SEPTIN11: variants seen among roughly 807,000 people sequenced by gnomAD.
SEPTIN11 encodes the protein septin-11.
SEPTIN11 carries 25 observed loss-of-function variants against 51.4 expected under a neutral mutation model. That is an observed-to-expected ratio of 0.49 (90% CI 0.35 to 0.68). The LOEUF (loss-of-function observed/expected upper bound fraction) is 0.68, where lower values mean the gene tolerates loss of function less well. SEPTIN11 is among the 30% of genes least tolerant of loss of function. SEPTIN11 has a pLI of 0.00. For synonymous variants in SEPTIN11, 174 were observed against 184.1 expected, an observed-to-expected ratio of 0.95 and a Z score of 0.44; for missense variants, 381 against 520.8, an observed-to-expected ratio of 0.73 and a Z score of 2.61.
At chr4:76,957,968 C>T (rs978928674) in intron 1 of SEPTIN11, among the ~76,000 whole-genome samples, 1 of 152,112 alleles carries the variant, frequency 6.6e-6, no homozygotes, top group South Asian at 2.1e-4. Context: ...AACCTTATTA[C>T]CTACCATAAG....
rs141694209 is a variant in SEPTIN11 at position 77,027,013 on chromosome 4, T to A, written c.954-1616T>A. ...AGATAATGTGAAAGCGAAATGTACC[T>A]CTGGAAACTCAAAACACTTGATTGT... On this transcript the variant is annotated intron_variant, in intron 7 of 9. Coordinates refer to ENST00000264893, the MANE Select transcript of SEPTIN11 (RefSeq NM_018243.4). 3.1e-3 allele frequency among the ~76,000 whole-genome samples: 479 copies of A among 152,326 alleles called. 2 individuals are homozygous for A. Among genetic ancestry groups the A allele is most frequent in the African/African-American group, 0.01 (436 of 41,562 alleles).
At chr4:76,994,831 A>G (rs546012245) in intron 1 of SEPTIN11, among the ~76,000 whole-genome samples, 1 of 145,116 alleles carries the variant, frequency 6.9e-6, no homozygotes, top group East Asian at 2.2e-4. Flanking sequence ...CCTCTTGATT[A>G]TGTAACATAA....
intron 9 of SEPTIN11, 122 bp downstream of exon 9, chr4:77,031,092 T>A: frequency 1.1e-6 from 1 of 909,474 alleles, no homozygotes; most frequent in South Asian, 1.7e-5. Context: ...AAGCAAGTAT[T>A]TTCTCTACAG....
intron 3 of SEPTIN11, among the ~76,000 whole-genome samples, chr4:77,007,348 T>C (rs906526262): frequency 2.6e-5 from 4 of 152,212 alleles, no homozygotes; most frequent in Non-Finnish European, 5.9e-5. Flanking sequence ...GTCCATTCCT[T>C]GATTGGAAGA....
downstream of SEPTIN11, chr4:77,039,572 C>T (rs1021510814): frequency 1.0e-5 from 10 of 985,142 alleles, no homozygotes; most frequent in Middle Eastern, 5.2e-4. Context: ...GATCCTCAAC[C>T]GTCAGGTCAT....
chr4:77,032,451 A>T (rs1726721808), intron 9 of SEPTIN11, among the ~76,000 whole-genome samples: 1 of 152,232 alleles, frequency 6.6e-6, no homozygotes, highest in Non-Finnish European at 1.5e-5. Context: ...GATGTTTCCC[A>T]TGCAGAGACT....
chr4:76,996,585 T>C (rs1435995148), intron 2 of SEPTIN11, 46 bp downstream of exon 2: 3 of 1,296,502 alleles, frequency 2.3e-6, no homozygotes, highest in Non-Finnish European at 2.2e-6. Context: ...TCCTTAGATA[T>C]TGACAGGTAA....
chr4:76,990,385 C>A (rs929989986), intron 1 of SEPTIN11, among the ~76,000 whole-genome samples: 2 of 152,164 alleles, frequency 1.3e-5, no homozygotes, highest in Non-Finnish European at 2.9e-5. Context: ...GGAAGGCCAG[C>A]TGGCTTCACG....
In SEPTIN11 at chr4:77,011,935, T is replaced by C. The variant is rs1294966937; in HGVS notation, c.525+14T>C. 1 of 1,610,154 alleles carries C rather than the reference T, an allele frequency of 6.2e-7. No homozygotes were observed. On this transcript the variant is annotated intron_variant, in intron 4 of 9. Transcript: ENST00000264893. ...CTGGACAGTAAGGTACTTGCTGCCA[T>C]TCTGATTATCATCCACTCTCCTTTT...
rs188729802 is a variant in SEPTIN11 at position 77,014,771 on chromosome 4, A to G, written c.526-85A>G. ...TTATTTTTTACAGTAAGGTTTTGCA[A>G]TTTTTATTTGTTTGCTATGTTTTAT... On this transcript the variant is annotated intron_variant, in intron 4 of 9. Coordinates refer to ENST00000264893, the MANE Select transcript of SEPTIN11 (RefSeq NM_018243.4). 1.3e-5 allele frequency: 18 copies of G among 1,416,078 alleles called. No individual in the cohort carries two copies. In the Admixed American group the frequency reaches 1.8e-4, roughly 14 times the overall value. The allele number at this position is 1,416,078 out of a possible 1,614,324, so 87.7% of individuals were successfully genotyped here. A position where few individuals can be genotyped will look rare whatever the true frequency, so the allele number is the denominator to read the frequency against.
In SEPTIN11 at chr4:77,037,204, A is replaced by C. The variant is rs996589176; in HGVS notation, c.*2692A>C. ...CGGTGAAACCCCGTCTCTACAAAAA[A>C]TACAAAAATTAGCCAGGCGTGGTGG... On this transcript the variant is annotated 3_prime_UTR_variant, in exon 10 of 10. Transcript: ENST00000264893. The C allele has an allele frequency of 1.1e-4, 68 of 616,190 alleles. No homozygotes were observed. The highest frequency in any genetic ancestry group is 1.3e-4 in the Non-Finnish European group (66 of 492,684). The allele number at this position is 616,190 out of a possible 1,614,324, so 38.2% of individuals were successfully genotyped here. A position where few individuals can be genotyped will look rare whatever the true frequency, so the allele number is the denominator to read the frequency against.
intron 1 of SEPTIN11, among the ~76,000 whole-genome samples, chr4:76,953,521 A>AT (rs1283214374): frequency 2.6e-5 from 4 of 152,124 alleles, no homozygotes; most frequent in South Asian, 2.1e-4. Flanking sequence ...TAAAATTGCC[A>AT]TTTTTGTGAC....
rs1578159060 is a variant in SEPTIN11, at chr4:76,996,445, G to C, written c.48G>C (p.Leu16Phe). Residue 16 changes from leucine (L) to phenylalanine (F), a missense_variant, in exon 2 of 10, where the codon TTG (leucine) becomes TTC (phenylalanine). Physicochemically the swap from Leu to Phe is conservative, Grantham distance 22 (BLOSUM62 0). This residue lies in a region of SEPTIN11 where 184 missense variants were observed against 207.7 expected (regional missense o/e 0.89). Coordinates refer to ENST00000264893, the MANE Select transcript of SEPTIN11 (RefSeq NM_018243.4). ...GRPSNEELRN[L>F]SLSGHVGFDS... ...TGCAGAATGAAGAGCTTCGAAACTT[G>C]TCTTTGTCTGGCCATGTGGGATTTG... 1.2e-6 allele frequency: 2 copies of C among 1,614,062 alleles called. No homozygotes were observed. The highest frequency in any genetic ancestry group is 4.5e-5 in the East Asian group (2 of 44,876).
At chr4:76,953,976 T>C (rs989069372) in intron 1 of SEPTIN11, among the ~76,000 whole-genome samples, 3 of 152,204 alleles carry the variant, frequency 2.0e-5, no homozygotes, top group African/African-American at 7.2e-5. Context: ...AACTGCCACC[T>C]AGAAACCAAA....
At chr4:77,023,416 T>G (rs1725885143) in intron 7 of SEPTIN11, among the ~76,000 whole-genome samples, 1 of 149,110 alleles carries the variant, frequency 6.7e-6, no homozygotes, top group Non-Finnish European at 1.5e-5. Flanking sequence ...CACATATATA[T>G]TACCAAGGCC....
In SEPTIN11 at chr4:77,020,474, CT is replaced by C. The variant is rs777448708; in HGVS notation, c.785-26del. 7.5e-6 allele frequency: 12 copies of C among 1,609,892 alleles called. No homozygotes were observed. The African/African-American group carries it at 9.3e-5, about 13-fold the overall frequency. ...TTCAGTGACATCATTGCTAATCCCA[CT>C]TCCGCCATTTCCCCCCTCTCTTGTA... is the stretch of plus-strand genomic sequence containing the variant. On this transcript the variant is annotated intron_variant, in intron 6 of 9. Coordinates refer to ENST00000264893, the MANE Select transcript of SEPTIN11 (RefSeq NM_018243.4).
intron 1 of SEPTIN11, among the ~76,000 whole-genome samples, chr4:76,976,561 T>A (rs937517506): frequency 6.6e-6 from 1 of 152,224 alleles, no homozygotes; most frequent in Non-Finnish European, 1.5e-5. Context: ...GCTGATTTTG[T>A]GGTATCTAAA....
chr4:77,016,615 C>CATATATATATATATATATACACATAT (rs370267588), intron 5 of SEPTIN11, among the ~76,000 whole-genome samples: 11 of 79,190 alleles, frequency 1.4e-4, no homozygotes, highest in African/African-American at 5.1e-4. Flanking sequence ...TATATATACA[C>CATATATATATATATATATACACATAT]ATATATATAT....
chr4:76,983,566 AC>A (rs944199471), intron 1 of SEPTIN11, among the ~76,000 whole-genome samples: 2 of 152,224 alleles, frequency 1.3e-5, no homozygotes, highest in Non-Finnish European at 2.9e-5. Flanking sequence ...TATGAAACTG[AC>A]TGCTAATAAA....
Sources: gnomAD v4.1 joint callset for allele counts (sites outside exome capture counted in the v4.1 genomes callset) on GRCh38, gnomAD v4.1.1 for gene constraint, gnomAD v4.1.1 regional missense constraint, MANE v1.5 for transcripts, NCBI Gene and HGNC (gene_info 2026-07-23, HGNC 2026-07-21) for gene names.